Variants in NRG3 observed in about 807,000 individuals in gnomAD.
NRG3 encodes neuregulin 3, also known as pro-neuregulin-3, membrane-bound isoform.
NRG3 carries 31 observed loss-of-function variants against 66.9 expected under a neutral mutation model. The ratio of observed to expected loss-of-function variants is 0.46; its 90% confidence interval spans 0.35 to 0.63. The LOEUF is 0.63. NRG3 is among the 20% of genes least tolerant of loss of function. The pLI, the probability that NRG3 is intolerant of heterozygous loss-of-function variation, is 0.00. For synonymous variants in NRG3, 393 were observed against 359.4 expected (o/e 1.09, Z -1.06); for missense variants, 910 against 878.9 (o/e 1.04, Z -0.45).
chr10:82,121,443 C>A (rs1278857553), intron 1 of NRG3, among the ~76,000 whole-genome samples: 1 of 152,042 alleles, frequency 6.6e-6, no homozygotes, highest in Non-Finnish European at 1.5e-5. Flanking sequence ...AGGAACATAC[C>A]CTACATGAAC....
At chr10:82,449,973 T>C (rs907805367) in intron 2 of NRG3, among the ~76,000 whole-genome samples, 1 of 152,236 alleles carries the variant, frequency 6.6e-6, no homozygotes, top group Admixed American at 6.5e-5. Context: ...AAAGAAGCTC[T>C]ATAAAAGTGG....
At chr10:82,389,611 G>A (rs1248675891) in intron 2 of NRG3, among the ~76,000 whole-genome samples, 5 of 152,124 alleles carry the variant, frequency 3.3e-5, no homozygotes, top group Non-Finnish European at 2.9e-5. Context: ...GTAGACAAAC[G>A]AGGGTAACTG....
intron 1 of NRG3, among the ~76,000 whole-genome samples, chr10:82,173,564 C>G (rs539996410): frequency 6.6e-6 from 1 of 152,082 alleles, no homozygotes; most frequent in African/African-American, 2.4e-5. Flanking sequence ...CACAATGACA[C>G]AGCTGGGATT....
chr10:82,569,783 C>A (rs1010026041), intron 2 of NRG3, among the ~76,000 whole-genome samples: 3 of 151,602 alleles, frequency 2.0e-5, no homozygotes, highest in Non-Finnish European at 4.4e-5. Context: ...AAATAACTCA[C>A]AAATATTTAT....
chr10:82,689,506 T>A (rs2054762144), intron 2 of NRG3, among the ~76,000 whole-genome samples: 1 of 152,158 alleles, frequency 6.6e-6, no homozygotes, highest in Non-Finnish European at 1.5e-5. Flanking sequence ...TGCCCAGGAA[T>A]GACTAAAGCC....
chr10:82,955,474 G>A (rs1167566849), intron 5 of NRG3, among the ~76,000 whole-genome samples: 1 of 151,892 alleles, frequency 6.6e-6, no homozygotes, highest in African/African-American at 2.4e-5. Context: ...TTTAACTTAT[G>A]TAGTTAAGAA....
In NRG3 at chr10:81,875,820, C is replaced by T. The variant is rs928911169; in HGVS notation, c.480C>T (p.Thr160=). Reference sequence around the variant, plus strand: ...ACCGGATTAGCACTCGCCTGACCACCATCACGCGGGCGCCCACTCGCTTCC... The same window carrying T: ...ACCGGATTAGCACTCGCCTGACCACTATCACGCGGGCGCCCACTCGCTTCC... ...TPNRISTRLT[T]ITRAPTRFPG... Residue 160 remains threonine, a synonymous_variant, in exon 1 of 9, where the codon ACC becomes ACT. Transcript: ENST00000372141. This position sits in a 1 kb window ranked among gnomAD's most constrained non-coding sequence, Gnocchi z 5.3. 4 of 1,609,362 alleles carry T rather than the reference C, an allele frequency of 2.5e-6. No individual in the cohort carries two copies. The highest frequency in any genetic ancestry group is 3.4e-6 in the Non-Finnish European group (4 of 1,179,776).
At chr10:82,016,883 A>C (rs1286867613) in intron 1 of NRG3, among the ~76,000 whole-genome samples, 2 of 152,190 alleles carry the variant, frequency 1.3e-5, no homozygotes, top group Non-Finnish European at 2.9e-5. Flanking sequence ...CAAAATGAAA[A>C]GCAGGATTTC....
intron 2 of NRG3, among the ~76,000 whole-genome samples, chr10:82,404,796 A>G (rs1454656709): frequency 6.6e-6 from 1 of 152,174 alleles, no homozygotes; most frequent in East Asian, 1.9e-4. Flanking sequence ...GTAAACAGAA[A>G]GGACACCCAT....
At chr10:82,215,710 T>C (rs1325832791) in intron 1 of NRG3, among the ~76,000 whole-genome samples, 1 of 152,198 alleles carries the variant, frequency 6.6e-6, no homozygotes, top group African/African-American at 2.4e-5. Flanking sequence ...ACTATTGACC[T>C]ATATATGAAA....
chr10:82,062,183 A>G (rs2064192103), intron 1 of NRG3, among the ~76,000 whole-genome samples: 1 of 152,090 alleles, frequency 6.6e-6, no homozygotes, highest in Non-Finnish European at 1.5e-5. Context: ...CTTTCCCCTG[A>G]AGAGGCCCAA....
intron 1 of NRG3, among the ~76,000 whole-genome samples, chr10:82,027,196 T>C (rs1017868470): frequency 2.0e-5 from 3 of 152,086 alleles, no homozygotes; most frequent in African/African-American, 7.2e-5. Flanking sequence ...AAATACTGTC[T>C]CCTTATACAC....
At chr10:82,717,343 A>T (rs1027240020) in intron 2 of NRG3, among the ~76,000 whole-genome samples, 22 of 150,408 alleles carry the variant, frequency 1.5e-4, no homozygotes, top group Admixed American at 8.6e-4. Flanking sequence ...CCATCCATCC[A>T]GGTTCATTGG....
intron 1 of NRG3, among the ~76,000 whole-genome samples, chr10:82,311,957 A>G (rs1237053508): frequency 6.6e-6 from 1 of 152,212 alleles, no homozygotes; most frequent in Non-Finnish European, 1.5e-5. Context: ...ATTACTTTGA[A>G]CAAATTATTC....
In NRG3 at chr10:82,209,455, C is replaced by T. The variant is rs572217479; in HGVS notation, c.824-149284C>T. ...AGAGTTAACAACTGTCAATGATCAT[C>T]TATGTATAAGTAGAATTATACACTT... On this transcript the variant is annotated intron_variant, in intron 1 of 8. Coordinates refer to ENST00000372141, the MANE Select transcript of NRG3 (RefSeq NM_001010848.4). Among the ~76,000 whole-genome samples the T allele has an allele frequency of 2.6e-5, 4 of 152,276 alleles. No homozygotes were observed. The South Asian group carries it at 8.3e-4, about 32-fold the overall frequency.
At chr10:82,010,152 T>A (rs1195977303) in intron 1 of NRG3, among the ~76,000 whole-genome samples, 1 of 152,214 alleles carries the variant, frequency 6.6e-6, no homozygotes, top group Non-Finnish European at 1.5e-5. Flanking sequence ...ATAAGTTATG[T>A]TTAACCATCA....
chr10:82,592,104 C>G (rs1305074741), intron 2 of NRG3, among the ~76,000 whole-genome samples: 3 of 152,136 alleles, frequency 2.0e-5, no homozygotes, highest in Admixed American at 2.0e-4. Context: ...TAAGGATAAA[C>G]AAAACTTCCA....
At chr10:81,964,395 C>CAAAAAAAAA (rs58231167) in intron 1 of NRG3, among the ~76,000 whole-genome samples, 1 of 65,842 alleles carries the variant, frequency 1.5e-5, no homozygotes, top group Non-Finnish European at 3.2e-5. Context: ...GACTCTGTCT[C>CAAAAAAAAA]AAAAAAAAAA....
rs190314806 is a variant in NRG3, at chr10:82,817,697, A to G, written c.1028-47714A>G. 1.2e-4 allele frequency among the ~76,000 whole-genome samples: 19 copies of G among 152,316 alleles called. 1 individual carries two copies. Among genetic ancestry groups the G allele is most frequent in the Middle Eastern group, 3.4e-3 (1 of 294 alleles). Reference sequence around the variant, plus strand: ...GTAAGGAAGTTTGCCAGGATATTACACTAGAAGTTCAATTCAGCAGCCATT... The same window carrying G: ...GTAAGGAAGTTTGCCAGGATATTACGCTAGAAGTTCAATTCAGCAGCCATT... On this transcript the variant is annotated intron_variant, in intron 3 of 8. Transcript: ENST00000372141.
Sources: gnomAD v4.1 joint callset for allele counts (sites outside exome capture counted in the v4.1 genomes callset) on GRCh38, gnomAD v4.1.1 for gene constraint, Gnocchi (gnomAD v3.1) non-coding constraint, MANE v1.5 for transcripts, NCBI Gene and HGNC (gene_info 2026-07-23, HGNC 2026-07-21) for gene names.